EXOC6B: variants seen among roughly 807,000 people sequenced by gnomAD.
EXOC6B encodes the protein SEC15 homolog B.
In EXOC6B, 54 loss-of-function variants were observed where a neutral mutation model predicts 113.5. The ratio of observed to expected loss-of-function variants is 0.48; its 90% CI spans 0.38 to 0.60. The LOEUF (loss-of-function observed/expected upper bound fraction) is 0.60. EXOC6B is among the 20% of genes least tolerant of loss of function. The pLI, the probability that EXOC6B is intolerant of heterozygous loss-of-function variation, is 0.00. For synonymous variants in EXOC6B, 357 were observed against 339.0 expected (o/e 1.05, Z -0.58); for missense variants, 797 against 977.5 (o/e 0.82, Z 2.46).
At chr2:72,474,525 C>T (rs1335918958) in intron 17 of EXOC6B, among the ~76,000 whole-genome samples, 1 of 151,510 alleles carries the variant, frequency 6.6e-6, no homozygotes, top group African/African-American at 2.4e-5. Context: ...CTTTCTTCTG[C>T]TTGATCTAGT....
intron 18 of EXOC6B, 29 bp from the exon 19 acceptor site, chr2:72,379,899 T>A: frequency 6.4e-7 from 1 of 1,553,904 alleles, no homozygotes; most frequent in South Asian, 1.2e-5. Context: ...AATCATAAAG[T>A]TAATGCATCT....
chr2:72,245,107 T>A (rs1573076756), intron 20 of EXOC6B, among the ~76,000 whole-genome samples: 1 of 152,208 alleles, frequency 6.6e-6, no homozygotes, highest in Non-Finnish European at 1.5e-5. Flanking sequence ...TCCCAGCAAG[T>A]TATTTTGTGA....
chr2:72,465,058 A>AT (rs1558694370), intron 18 of EXOC6B, 102 bp downstream of exon 18: 1 of 948,718 alleles, frequency 1.1e-6, no homozygotes, highest in Non-Finnish European at 1.6e-6. Context: ...TATACTGAAA[A>AT]TCTTCCTGGG....
intron 18 of EXOC6B, among the ~76,000 whole-genome samples, chr2:72,457,239 A>G (rs1697294628): frequency 6.6e-6 from 1 of 152,166 alleles, no homozygotes; most frequent in Non-Finnish European, 1.5e-5. Context: ...CACTAGCAGC[A>G]TAATTTGGTT....
intron 1 of EXOC6B, among the ~76,000 whole-genome samples, chr2:72,818,908 C>A (rs1378122231): frequency 3.9e-5 from 6 of 152,108 alleles, no homozygotes; most frequent in Non-Finnish European, 7.4e-5. Flanking sequence ...TTTCCTAATC[C>A]CCTAATTGAA....
chr2:72,772,427 G>T (rs988576100), intron 1 of EXOC6B, among the ~76,000 whole-genome samples: 2 of 152,160 alleles, frequency 1.3e-5, no homozygotes, highest in African/African-American at 4.8e-5. Flanking sequence ...CACAGAAACA[G>T]GTTCTAGGCC....
intron 18 of EXOC6B, among the ~76,000 whole-genome samples, chr2:72,402,144 C>G (rs1455162796): frequency 6.6e-6 from 1 of 151,734 alleles, no homozygotes; most frequent in African/African-American, 2.4e-5. Flanking sequence ...TTTTCTTTAC[C>G]AGGAGGCTTT....
At chr2:72,705,492 TA>T (rs1174456182) in intron 6 of EXOC6B, among the ~76,000 whole-genome samples, 1 of 152,222 alleles carries the variant, frequency 6.6e-6, no homozygotes, top group Non-Finnish European at 1.5e-5. Flanking sequence ...TTCAAAAATT[TA>T]CAGATACTTT....
intron 8 of EXOC6B, among the ~76,000 whole-genome samples, chr2:72,521,833 A>G (rs2105718609): frequency 6.6e-6 from 1 of 152,114 alleles, no homozygotes; most frequent in Admixed American, 6.5e-5. Context: ...AGTAGCTGGG[A>G]CTATAGGTGC....
intron 1 of EXOC6B, among the ~76,000 whole-genome samples, chr2:72,759,160 C>T (rs989221552): frequency 6.6e-6 from 1 of 152,136 alleles, no homozygotes; most frequent in African/African-American, 2.4e-5. Context: ...TCCACATCAG[C>T]AAAATGCAGA....
intron 19 of EXOC6B, among the ~76,000 whole-genome samples, chr2:72,352,682 T>A (rs1444202338): frequency 1.3e-5 from 2 of 151,054 alleles, no homozygotes; most frequent in Admixed American, 6.6e-5. Flanking sequence ...GGCATATTTT[T>A]AAAAATGTCT....
chr2:72,389,610 T>C (rs1692247505), intron 18 of EXOC6B, among the ~76,000 whole-genome samples: 1 of 152,112 alleles, frequency 6.6e-6, no homozygotes, highest in Non-Finnish European at 1.5e-5. Flanking sequence ...TTTGATCATC[T>C]AAAAAAGTCA....
intron 8 of EXOC6B, among the ~76,000 whole-genome samples, chr2:72,521,929 C>A (rs1356803497): frequency 2.0e-5 from 3 of 152,190 alleles, no homozygotes; most frequent in Non-Finnish European, 1.5e-5. Flanking sequence ...ATCTCGTGAC[C>A]TTGTGATCCA....
intron 18 of EXOC6B, among the ~76,000 whole-genome samples, chr2:72,409,194 G>A (rs569729364): frequency 3.5e-4 from 54 of 152,220 alleles, no homozygotes; most frequent in African/African-American, 1.2e-3. Flanking sequence ...TTAGAATGGC[G>A]ATCATTAAAA....
At chr2:72,502,875 TTCTGTC>T (rs1405181528) in intron 11 of EXOC6B, among the ~76,000 whole-genome samples, 1 of 152,212 alleles carries the variant, frequency 6.6e-6, no homozygotes, top group African/African-American at 2.4e-5. Flanking sequence ...CTTTCCTATT[TTCTGTC>T]TCTGTGTCTT....
At chr2:72,187,081 T>G (rs573297888) in intron 20 of EXOC6B, among the ~76,000 whole-genome samples, 22 of 152,086 alleles carry the variant, frequency 1.4e-4, no homozygotes, top group African/African-American at 5.3e-4. Context: ...TGCCATGGGG[T>G]GGGCAGCTCC....
chr2:72,600,198 T>C (rs1321825359), intron 6 of EXOC6B, among the ~76,000 whole-genome samples: 1 of 152,078 alleles, frequency 6.6e-6, no homozygotes, highest in Non-Finnish European at 1.5e-5. Flanking sequence ...CCCAGCACTT[T>C]GGGAGGCCGA....
intron 6 of EXOC6B, among the ~76,000 whole-genome samples, chr2:72,697,960 G>A (rs937460630): frequency 2.6e-5 from 4 of 151,988 alleles, no homozygotes; most frequent in African/African-American, 4.8e-5. Flanking sequence ...TATAAAGACC[G>A]AATTTCTTAG....
At chr2:72,524,150 TAAAAAAA>T (rs372964134) in intron 8 of EXOC6B, among the ~76,000 whole-genome samples, 6 of 116,758 alleles carry the variant, frequency 5.1e-5, no homozygotes, top group African/African-American at 1.8e-4. Context: ...ATACAGAGTT[TAAAAAAA>T]AAAAAAAAAA....
Sources: allele counts gnomAD v4.1 joint callset (sites outside exome capture counted in the v4.1 genomes callset), GRCh38; gene constraint gnomAD v4.1.1; transcripts MANE v1.5; gene names NCBI Gene and HGNC (gene_info 2026-07-23, HGNC 2026-07-21).